ZRANB1: variants seen among roughly 807,000 people sequenced by gnomAD.
ZRANB1 encodes ubiquitin thioesterase ZRANB1.
A neutral mutation model predicts 80.5 loss-of-function variants in ZRANB1; 16 were observed. The observed-to-expected ratio is 0.20, with a 90% CI of 0.13 to 0.30. ZRANB1 has a LOEUF of 0.30. Among genes scored for constraint, ZRANB1 ranks in the 10% least tolerant of loss-of-function variants. ZRANB1 has a pLI of 1.00. For synonymous variants in ZRANB1, 291 were observed against 293.1 expected, an observed-to-expected ratio of 0.99 and a Z score of 0.07; for missense variants, 576 against 862.6, an observed-to-expected ratio of 0.67 and a Z score of 4.16.
rs548260457 is a variant in ZRANB1, at chr10:124,985,073, G to A, written c.*81G>A. The A allele has an allele frequency of 6.0e-6, 7 of 1,159,702 alleles. No homozygotes were observed. The highest frequency in any genetic ancestry group is 5.1e-5 in the East Asian group (2 of 39,018). The allele number at this position is 1,159,702 out of a possible 1,614,324, so 71.8% of individuals were successfully genotyped here. Reference sequence around the variant, plus strand: ...TTAGTGTGGTGCTCCAAGCAGAGTCGACATCATGGAATGAACCAAATCTGG... The same window carrying A: ...TTAGTGTGGTGCTCCAAGCAGAGTCAACATCATGGAATGAACCAAATCTGG... On this transcript the variant is annotated 3_prime_UTR_variant, in exon 9 of 9. Transcript: ENST00000359653.
chr10:124,917,747 C>G, the ZRANB1 span, among the ~76,000 whole-genome samples: 1 of 152,136 alleles, frequency 6.6e-6, no homozygotes, highest in Non-Finnish European at 1.5e-5. Flanking sequence ...CCTCCAGTTG[C>G]CATTTGTAGG....
At position 124,949,797 on chromosome 10, in the gene ZRANB1, A is replaced by C. The variant is rs564022884; in HGVS notation, c.814+6490A>C. 3.9e-5 allele frequency among the ~76,000 whole-genome samples: 6 copies of C among 152,244 alleles called. No individual in the cohort carries two copies. In the East Asian group the frequency reaches 9.7e-4, roughly 25 times the overall value. ...AGTTGTGAGCCACCACCTGGCCTGA[A>C]ACTGGAATTTTTATGCTGAAATACT... is the stretch of plus-strand genomic sequence containing the variant. On this transcript the variant is annotated intron_variant, in intron 1 of 8. Transcript: ENST00000359653.
chr10:124,923,671 T>C, the ZRANB1 span, among the ~76,000 whole-genome samples: 1 of 151,762 alleles, frequency 6.6e-6, no homozygotes. Flanking sequence ...TCATGAAACT[T>C]ATGGTAGAAG....
chr10:124,949,523 ATTTT>A (rs1554936765), intron 1 of ZRANB1, among the ~76,000 whole-genome samples: 2 of 116,856 alleles, frequency 1.7e-5, no homozygotes, highest in African/African-American at 7.2e-5. Flanking sequence ...ACACACACAC[ATTTT>A]TTTTTTTTTT....
In ZRANB1 at chr10:124,975,283, C is replaced by T. The variant is rs188779984; in HGVS notation, c.1427+885C>T. 8.5e-5 allele frequency among the ~76,000 whole-genome samples: 13 copies of T among 152,266 alleles called. No individual in the cohort carries two copies. In the East Asian group the frequency reaches 2.5e-3, roughly 29 times the overall value. ...CTTCATTCAGTTGAGCAGTTATTAA[C>T]ATTTTGCCACACCTGCTCCATGTCT... On this transcript the variant is annotated intron_variant, in intron 5 of 8. Transcript: ENST00000359653.
chr10:124,979,446 A>G (rs372945889), intron 5 of ZRANB1, among the ~76,000 whole-genome samples: 1 of 151,990 alleles, frequency 6.6e-6, no homozygotes. Context: ...CTTTGCAGAT[A>G]TTTTTTTCTA....
chr10:124,949,769 T>G (rs1183244130), intron 1 of ZRANB1, among the ~76,000 whole-genome samples: 2 of 152,124 alleles, frequency 1.3e-5, no homozygotes, highest in African/African-American at 4.8e-5. Flanking sequence ...GTACTGGGAC[T>G]GCAGTTGTGA....
chr10:124,939,778 G>A (rs574875115), upstream of ZRANB1, among the ~76,000 whole-genome samples: 2 of 151,682 alleles, frequency 1.3e-5, no homozygotes, highest in African/African-American at 2.4e-5. Flanking sequence ...TTTCATTCCC[G>A]AGAAACTAAA....
In ZRANB1 at chr10:124,986,421, A is replaced by T. The variant is rs1388612702; in HGVS notation, c.*1429A>T. 1.3e-5 allele frequency: 2 copies of T among 152,444 alleles called. No homozygotes were observed. The highest frequency in any genetic ancestry group is 2.9e-5 in the Non-Finnish European group (2 of 68,022). 9.4% of individuals were successfully genotyped at this position (152,444 alleles called of 1,614,324 possible). ...TTGATAATGAAATGTGTACAACCTC[A>T]AATTTGCTGCCAGAATACTAAAAAT... On this transcript the variant is annotated 3_prime_UTR_variant, in exon 9 of 9. Transcript: ENST00000359653.
chr10:124,971,625 A>G (rs1951826540), intron 2 of ZRANB1, among the ~76,000 whole-genome samples: 1 of 152,108 alleles, frequency 6.6e-6, no homozygotes, highest in Non-Finnish European at 1.5e-5. Flanking sequence ...TGTGTGCACG[A>G]TGGTTAGTCT....
At chr10:124,974,455 T>G in intron 5 of ZRANB1, 57 bp downstream of exon 5, 1 of 1,564,956 alleles carries the variant, frequency 6.4e-7, no homozygotes, top group Non-Finnish European at 8.8e-7. Context: ...GATTATTTCC[T>G]TGTAGTGGTG....
At chr10:124,950,383 C>T (rs1175733068) in intron 1 of ZRANB1, among the ~76,000 whole-genome samples, 1 of 152,164 alleles carries the variant, frequency 6.6e-6, no homozygotes, top group Non-Finnish European at 1.5e-5. Flanking sequence ...CTCGGTCTCC[C>T]AAAGTGCTGG....
chr10:124,921,453 T>G, the ZRANB1 span, among the ~76,000 whole-genome samples: 1 of 152,210 alleles, frequency 6.6e-6, no homozygotes, highest in Non-Finnish European at 1.5e-5. Context: ...AGTACATAGG[T>G]GAATGCTGAT....
chr10:124,927,018 G>T, the ZRANB1 span, among the ~76,000 whole-genome samples: 1 of 152,110 alleles, frequency 6.6e-6, no homozygotes, highest in Non-Finnish European at 1.5e-5. Flanking sequence ...GCAGTGGCGC[G>T]ATCTCGGCTC....
the ZRANB1 span, among the ~76,000 whole-genome samples, chr10:124,918,508 T>C: frequency 7.9e-5 from 12 of 152,246 alleles, no homozygotes; most frequent in African/African-American, 2.9e-4. Context: ...TCTTTAACTC[T>C]GGGACCTATT....
the ZRANB1 span, among the ~76,000 whole-genome samples, chr10:124,935,725 C>T: frequency 1.3e-5 from 2 of 152,194 alleles, no homozygotes; most frequent in Non-Finnish European, 2.9e-5. Context: ...AAGGTCTACT[C>T]CTTTCTTTCA....
rs1459165191 is a variant in ZRANB1, at chr10:124,986,868, G to GTC, written c.*1878_*1879dup. 1 of 139,972 alleles carries GTC rather than the reference G, an allele frequency of 7.1e-6. No individual in the cohort carries two copies. The highest frequency in any genetic ancestry group is 2.1e-4 in the East Asian group (1 of 4,660). The allele number at this position is 139,972 out of a possible 1,614,324, so 8.7% of individuals were successfully genotyped here. On this transcript the variant is annotated 3_prime_UTR_variant, in exon 9 of 9. Coordinates refer to ENST00000359653, the MANE Select transcript of ZRANB1 (RefSeq NM_017580.3). The stretch of plus-strand genomic sequence containing the variant: ...GAGGGAAAAGCATGTAGCCATTGCA[G>GTC]TCTGCATTGCAGCCAGCGTTGTCCA...
At chr10:124,962,679 G>A (rs529533356) in intron 1 of ZRANB1, among the ~76,000 whole-genome samples, 1 of 141,702 alleles carries the variant, frequency 7.1e-6, no homozygotes, top group South Asian at 2.2e-4. Context: ...AATAATATAT[G>A]TTTGCTTTTT....
the ZRANB1 span, among the ~76,000 whole-genome samples, chr10:124,920,757 G>A: frequency 6.6e-6 from 1 of 151,924 alleles, no homozygotes; most frequent in Admixed American, 6.6e-5. Flanking sequence ...TCTTTTCTTA[G>A]AATATGCTAG....
Sources: gnomAD v4.1 joint callset for allele counts (sites outside exome capture counted in the v4.1 genomes callset) on GRCh38, gnomAD v4.1.1 for gene constraint, MANE v1.5 for transcripts, NCBI Gene and HGNC (gene_info 2026-07-23, HGNC 2026-07-21) for gene names.